The following EFL1 variants were observed in gnomAD, a reference collection of about 807,000 sequenced individuals.
EFL1 encodes the protein elongation factor-like GTPase 1.
EFL1 carries 76 observed loss-of-function variants against 126.7 expected under a neutral mutation model. That is an observed-to-expected ratio of 0.60 (90% CI 0.50 to 0.73). The LOEUF (loss-of-function observed/expected upper bound fraction) is 0.73. Ranked by LOEUF, EFL1 falls within the 30% of genes least tolerant of loss-of-function variation. EFL1 has a pLI of 0.00. For synonymous variants in EFL1, 410 were observed against 448.4 expected, an observed-to-expected ratio of 0.91 and a Z score of 1.08; for missense variants, 1,128 against 1,343.2, an observed-to-expected ratio of 0.84 and a Z score of 2.50.
intron 12 of EFL1, among the ~76,000 whole-genome samples, chr15:82,224,210 C>T (rs978863251): frequency 6.6e-6 from 1 of 152,176 alleles, no homozygotes; most frequent in African/African-American, 2.4e-5. Flanking sequence ...ATCTGACCTT[C>T]AGTCACTCAC....
chr15:82,261,603 G>A, intron 2 of EFL1, 85 bp downstream of exon 2: 2 of 1,283,372 alleles, frequency 1.6e-6, no homozygotes, highest in East Asian at 2.3e-5. Flanking sequence ...ATCACTCTCA[G>A]CTGTCCACAG....
At chr15:82,136,015 A>G (rs2073717715) in intron 19 of EFL1, among the ~76,000 whole-genome samples, 1 of 152,000 alleles carries the variant, frequency 6.6e-6, no homozygotes, top group South Asian at 2.1e-4. Context: ...TTGAGCCACT[A>G]TATTTTGGGA....
chr15:82,260,880 G>A (rs1203385203), intron 2 of EFL1, among the ~76,000 whole-genome samples: 1 of 152,106 alleles, frequency 6.6e-6, no homozygotes, highest in Non-Finnish European at 1.5e-5. Context: ...TATTTCATAT[G>A]CCCATCCCAA....
intron 3 of EFL1, among the ~76,000 whole-genome samples, chr15:82,255,512 GTTTATTAACCT>G (rs2075059078): frequency 6.6e-6 from 1 of 152,082 alleles, no homozygotes; most frequent in Admixed American, 6.5e-5. Context: ...ATTTTAAGTA[GTTTATTAACCT>G]TTTATAAAAT....
At chr15:82,164,808 A>G (rs1309870597) in intron 15 of EFL1, among the ~76,000 whole-genome samples, 1 of 151,394 alleles carries the variant, frequency 6.6e-6, no homozygotes, top group African/African-American at 2.4e-5. Context: ...GAGGCAGGTG[A>G]ATTGCTTGAA....
intron 15 of EFL1, among the ~76,000 whole-genome samples, chr15:82,192,858 A>G (rs2074373445): frequency 6.6e-6 from 1 of 152,178 alleles, no homozygotes; most frequent in African/African-American, 2.4e-5. Context: ...AAAGAAAGAA[A>G]GAAAGAAAGA....
intron 19 of EFL1, among the ~76,000 whole-genome samples, chr15:82,136,030 T>C (rs532337417): frequency 6.6e-6 from 1 of 152,236 alleles, no homozygotes; most frequent in East Asian, 1.9e-4. Flanking sequence ...TTGGGATCCC[T>C]TTATTAGAGC....
chr15:82,142,174 T>C (rs1030529175), intron 18 of EFL1, among the ~76,000 whole-genome samples: 2 of 152,174 alleles, frequency 1.3e-5, no homozygotes, highest in African/African-American at 4.8e-5. Context: ...GGATATCTGT[T>C]CCATCATGAT....
At chr15:82,210,711 A>G (rs1342623976) in intron 15 of EFL1, among the ~76,000 whole-genome samples, 1 of 151,852 alleles carries the variant, frequency 6.6e-6, no homozygotes, top group Non-Finnish European at 1.5e-5. Context: ...AAAATACAAA[A>G]ATTAGCCTGG....
At chr15:82,141,816 G>A (rs1239666684) in intron 18 of EFL1, among the ~76,000 whole-genome samples, 3 of 152,164 alleles carry the variant, frequency 2.0e-5, no homozygotes, top group Non-Finnish European at 4.4e-5. Flanking sequence ...GGGCCAGTGG[G>A]GACAAGCTGC....
chr15:82,151,396 G>A, intron 18 of EFL1, 69 bp downstream of exon 18: 1 of 1,446,302 alleles, frequency 6.9e-7, no homozygotes. Context: ...TCAAAAACAA[G>A]ATTTTGAGTC....
At chr15:82,190,668 C>T (rs189535175) in intron 15 of EFL1, among the ~76,000 whole-genome samples, 1 of 152,078 alleles carries the variant, frequency 6.6e-6, no homozygotes, top group African/African-American at 2.4e-5. Context: ...AAGTGGCTGG[C>T]AAGTAGAATC....
At chr15:82,251,929 C>G (rs2075025532) in intron 4 of EFL1, among the ~76,000 whole-genome samples, 1 of 152,200 alleles carries the variant, frequency 6.6e-6, no homozygotes, top group African/African-American at 2.4e-5. Flanking sequence ...CTAGCCCCTG[C>G]AGAGAGCTAC....
chr15:82,185,695 A>C (rs1003604312), intron 15 of EFL1, among the ~76,000 whole-genome samples: 1 of 152,206 alleles, frequency 6.6e-6, no homozygotes, highest in Non-Finnish European at 1.5e-5. Context: ...GCCAACTTAC[A>C]TATAAGGTAG....
intron 15 of EFL1, among the ~76,000 whole-genome samples, chr15:82,201,371 T>G (rs571162982): frequency 3.9e-5 from 6 of 152,158 alleles, no homozygotes; most frequent in Non-Finnish European, 7.4e-5. Context: ...GAGGGGGACT[T>G]TCTTCCCTAA....
At chr15:82,172,549 A>T (rs2074147814) in intron 15 of EFL1, among the ~76,000 whole-genome samples, 2 of 152,136 alleles carry the variant, frequency 1.3e-5, no homozygotes, top group Non-Finnish European at 2.9e-5. Context: ...ATTCTGCTGG[A>T]CAAACCTGTT....
At chr15:82,249,392 A>C (rs2075001406) in intron 4 of EFL1, among the ~76,000 whole-genome samples, 1 of 152,020 alleles carries the variant, frequency 6.6e-6, no homozygotes, top group Non-Finnish European at 1.5e-5. Context: ...ATTTATTTAA[A>C]ATATTTTAAA....
chr15:82,209,137 T>C lies in EFL1; in HGVS notation c.1750+5580A>G, dbSNP rs544530667. On this transcript the variant is annotated intron_variant, in intron 15 of 19. Transcript: ENST00000268206. ...GGAAATGCTGATAATAAAGTACATT[T>C]AAAAGAAATTCACTAGTAAGTGAAT... Among the ~76,000 whole-genome samples the C allele has an allele frequency of 2.6e-5, 4 of 152,258 alleles. No homozygotes were observed. In the East Asian group the frequency reaches 7.7e-4, roughly 29 times the overall value.
At chr15:82,232,543 TATG>T (rs549142054) in intron 7 of EFL1, among the ~76,000 whole-genome samples, 38 of 152,338 alleles carry the variant, frequency 2.5e-4, no homozygotes, top group African/African-American at 8.4e-4. Context: ...ACTTTGTTGT[TATG>T]ATAATTGATA....
Sources: allele counts gnomAD v4.1 joint callset (sites outside exome capture counted in the v4.1 genomes callset), GRCh38; gene constraint gnomAD v4.1.1; transcripts MANE v1.5; gene names NCBI Gene and HGNC (gene_info 2026-07-23, HGNC 2026-07-21).